Variants in PCDHA8 observed in about 807,000 individuals in gnomAD.
The protein encoded by PCDHA8 is protocadherin alpha-8.
In PCDHA8, 53 loss-of-function variants were observed where a neutral mutation model predicts 61.8. The ratio of observed to expected loss-of-function variants is 0.86; its 90% CI spans 0.69 to 1.08. PCDHA8 has a LOEUF of 1.08. PCDHA8 is among the 50% of genes least tolerant of loss of function. The pLI is 0.00. For missense variants in PCDHA8, 1,293 were observed against 1,245.0 expected (o/e 1.04, Z -0.58); for synonymous variants, 618 against 556.6 (o/e 1.11, Z -1.55).
At chr5:140,877,924 A>T in intron 1 of PCDHA8, 1 of 1,419,290 alleles carries the variant, frequency 7.0e-7, no homozygotes, top group Non-Finnish European at 9.3e-7. Flanking sequence ...ATTTTTCTTT[A>T]TGATTCTATC....
At chr5:140,958,578 A>G (rs2095431763) in intron 1 of PCDHA8, among the ~76,000 whole-genome samples, 1 of 152,206 alleles carries the variant, frequency 6.6e-6, no homozygotes, top group Non-Finnish European at 1.5e-5. Context: ...TGAGATTTTA[A>G]ATGAGCTTAT....
intron 1 of PCDHA8, among the ~76,000 whole-genome samples, chr5:140,905,373 G>A (rs556428182): frequency 6.6e-6 from 1 of 152,118 alleles, no homozygotes; most frequent in East Asian, 1.9e-4. Context: ...CTGGTTCTCT[G>A]TTCTGTTTCA....
At chr5:140,893,570 G>A (rs1583135271) in intron 1 of PCDHA8, among the ~76,000 whole-genome samples, 1 of 152,154 alleles carries the variant, frequency 6.6e-6, no homozygotes, top group African/African-American at 2.4e-5. Context: ...TACTTCCTCA[G>A]TTTTTGCTTG....
At chr5:140,923,364 A>C (rs1414879540) in intron 1 of PCDHA8, among the ~76,000 whole-genome samples, 1 of 152,106 alleles carries the variant, frequency 6.6e-6, no homozygotes, top group African/African-American at 2.4e-5. Flanking sequence ...TATCTTTATA[A>C]AATATTTTTA....
Position 141,011,060 on chromosome 5 carries a change from A to G in PCDHA8, c.*1123A>G, listed in dbSNP as rs1588257572. On this transcript the variant is annotated 3_prime_UTR_variant, in exon 4 of 4. Coordinates refer to ENST00000531613, the MANE Select transcript of PCDHA8 (RefSeq NM_018911.3). ...AGGTCACTCTGGGGCTGCCTCTTGC[A>G]TGTATTACTAAATAAAATGATCTCT... is the stretch of plus-strand genomic sequence containing the variant. 1.3e-5 allele frequency: 2 copies of G among 153,758 alleles called. No individual in the cohort carries two copies. Among genetic ancestry groups the G allele is most frequent in the Non-Finnish European group, 2.9e-5 (2 of 68,046 alleles). The allele number at this position is 153,758 out of a possible 1,614,324, so 9.5% of individuals were successfully genotyped here. A position where few individuals can be genotyped will look rare whatever the true frequency, so the allele number is the denominator to read the frequency against.
chr5:140,849,612 A>C lies in PCDHA8; in HGVS notation c.2394+5897A>C, dbSNP rs2040992184. On this transcript the variant is annotated intron_variant, in intron 1 of 3. Transcript: ENST00000531613. ...ACTGGGGACAGTTATTGCCCTGATT[A>C]GTGTGATCGACCTAGACGCAGATGC... 5 of 1,598,736 alleles carry C rather than the reference A, an allele frequency of 3.1e-6. 2 individuals are homozygous for C. The highest frequency in any genetic ancestry group is 4.3e-6 in the Non-Finnish European group (5 of 1,167,986).
chr5:140,887,081 T>C (rs2061290342), intron 1 of PCDHA8, among the ~76,000 whole-genome samples: 1 of 152,076 alleles, frequency 6.6e-6, no homozygotes, highest in Non-Finnish European at 1.5e-5. Context: ...TCAGCTTTTG[T>C]CTGAGAAATA....
intron 1 of PCDHA8, among the ~76,000 whole-genome samples, chr5:140,900,615 T>C (rs1554189289): frequency 1.3e-5 from 2 of 152,336 alleles, no homozygotes; most frequent in East Asian, 3.9e-4. Context: ...GACATGTAGA[T>C]TGCTTCCAAA....
chr5:140,927,077 G>C (rs568623488), intron 1 of PCDHA8: 29 of 1,610,728 alleles, frequency 1.8e-5, no homozygotes, highest in Non-Finnish European at 2.5e-5. Flanking sequence ...TCCAGCCACC[G>C]CGAGCTCTAC....
chr5:140,997,334 C>G (rs2097767888), intron 3 of PCDHA8, among the ~76,000 whole-genome samples: 3 of 152,098 alleles, frequency 2.0e-5, no homozygotes, highest in Admixed American at 2.0e-4. Flanking sequence ...TTTCGTTGTA[C>G]AAATATCATA....
At chr5:141,007,535 T>C (rs1588169762) in intron 3 of PCDHA8, among the ~76,000 whole-genome samples, 1 of 152,050 alleles carries the variant, frequency 6.6e-6, no homozygotes, top group South Asian at 2.1e-4. Context: ...GCCACTGCAC[T>C]CCAGCTTGGG....
rs551685820 is a variant in PCDHA8, at chr5:140,967,997, C to G, written c.2395-10952C>G. On this transcript the variant is annotated intron_variant, in intron 1 of 3. Transcript: ENST00000531613. ...GGGTCTGGAGGCCACACTGCCTTTC[C>G]GACTGAATGGCTTTGGAAACTCCTA... is the stretch of plus-strand genomic sequence containing the variant. The G allele has an allele frequency of 4.3e-6, 7 of 1,614,220 alleles. No individual in the cohort carries two copies. In the African/African-American group the frequency reaches 6.7e-5, roughly 15 times the overall value.
intron 1 of PCDHA8, chr5:140,876,542 T>C (rs782388773): frequency 5.0e-6 from 8 of 1,614,194 alleles, no homozygotes; most frequent in Non-Finnish European, 5.9e-6. Flanking sequence ...TCACTGTCGC[T>C]CCCTGTGCAA....
intron 3 of PCDHA8, among the ~76,000 whole-genome samples, chr5:140,989,984 C>T (rs907486922): frequency 3.3e-5 from 5 of 152,032 alleles, no homozygotes; most frequent in African/African-American, 1.2e-4. Context: ...ACAGCCCTGC[C>T]TGAAATTGTC....
chr5:140,963,221 T>C (rs2095749324), intron 1 of PCDHA8, among the ~76,000 whole-genome samples: 1 of 151,808 alleles, frequency 6.6e-6, no homozygotes, highest in Admixed American at 6.6e-5. Context: ...GTGTTTAGAG[T>C]AGACACTGTT....
At chr5:140,966,968 G>T in intron 1 of PCDHA8, 1 of 1,602,616 alleles carries the variant, frequency 6.2e-7, no homozygotes. Context: ...GCTGGGGCTT[G>T]AGCTGCGGCG....
chr5:140,844,211 T>C (rs1162021656), intron 1 of PCDHA8, among the ~76,000 whole-genome samples: 1 of 149,836 alleles, frequency 6.7e-6, no homozygotes, highest in African/African-American at 2.4e-5. Flanking sequence ...TGTCTGGTAG[T>C]CACAAATATC....
At chr5:140,863,314 T>A in intron 1 of PCDHA8, 1 of 1,458,118 alleles carries the variant, frequency 6.9e-7, no homozygotes, top group Non-Finnish European at 9.3e-7. Context: ...CTGCGTGGTG[T>A]CCAGCCTGTT....
chr5:140,977,464 T>C (rs1245985019), intron 1 of PCDHA8, among the ~76,000 whole-genome samples: 1 of 152,256 alleles, frequency 6.6e-6, no homozygotes, highest in Non-Finnish European at 1.5e-5. Flanking sequence ...TGATTTGGTC[T>C]GTAGATAATT....
Sources: allele counts gnomAD v4.1 joint callset (sites outside exome capture counted in the v4.1 genomes callset), GRCh38; gene constraint gnomAD v4.1.1; transcripts MANE v1.5; gene names NCBI Gene and HGNC (gene_info 2026-07-23, HGNC 2026-07-21).